The following UST variants were observed in gnomAD, a reference collection of about 807,000 sequenced individuals.
UST encodes chondroitin sulfate 2-O-sulfotransferase.
UST carries 21 observed loss-of-function variants against 45.6 expected under a neutral mutation model. That is an observed-to-expected ratio of 0.46 (90% CI 0.33 to 0.66). UST has a LOEUF of 0.66. Ranked by LOEUF, UST falls within the 30% of genes least tolerant of loss-of-function variation. The pLI, the probability that UST is intolerant of heterozygous loss-of-function variation, is 0.02. For synonymous variants in UST, 215 were observed against 200.6 expected (o/e 1.07, Z -0.61); for missense variants, 463 against 512.4 (o/e 0.90, Z 0.93).
chr6:148,873,898 C>T (rs1185787583), intron 1 of UST, among the ~76,000 whole-genome samples: 2 of 152,264 alleles, frequency 1.3e-5, no homozygotes, highest in Non-Finnish European at 2.9e-5. Flanking sequence ...TCTTAGTCAT[C>T]TTCACCTTAC....
At chr6:148,970,651 A>C (rs1780897164) in intron 5 of UST, among the ~76,000 whole-genome samples, 1 of 152,158 alleles carries the variant, frequency 6.6e-6, no homozygotes, top group Admixed American at 6.5e-5. Context: ...AAGCACATGA[A>C]CCACAGCACA....
At position 148,754,248 on chromosome 6, in the gene UST, G is replaced by A. The variant is rs191729979; in HGVS notation, c.247+6571G>A. On this transcript the variant is annotated intron_variant, in intron 1 of 7. Transcript: ENST00000367463. ...CCTGACCTCGTGATTCGCCCGCCTC[G>A]GCCTCCCAAAGTGCTGGGATTACAG... is the stretch of plus-strand genomic sequence containing the variant. Among the ~76,000 whole-genome samples the A allele has an allele frequency of 2.9e-3, 441 of 152,090 alleles. 5 individuals carry two copies. Among genetic ancestry groups the A allele is most frequent in the Admixed American group, 4.3e-3 (65 of 15,278 alleles).
chr6:149,014,138 T>C (rs1304281720), intron 5 of UST, among the ~76,000 whole-genome samples: 1 of 152,070 alleles, frequency 6.6e-6, no homozygotes, highest in Non-Finnish European at 1.5e-5. Context: ...GCTGTGAAAA[T>C]TCGCTGACAG....
chr6:148,794,094 A>G lies in UST; in HGVS notation c.247+46417A>G, dbSNP rs189743692. Among the ~76,000 whole-genome samples the G allele has an allele frequency of 7.4e-4, 112 of 152,318 alleles. 1 individual carries two copies. Among genetic ancestry groups the G allele is most frequent in the Admixed American group, 3.9e-3 (59 of 15,298 alleles). On this transcript the variant is annotated intron_variant, in intron 1 of 7. Coordinates refer to ENST00000367463, the MANE Select transcript of UST (RefSeq NM_005715.3). ...TGTACCAACACACACTTACACTTCTATATTTTCCAGTGCTGATCACAAGAT... is the reference window on the plus strand; with the variant it reads ...TGTACCAACACACACTTACACTTCTGTATTTTCCAGTGCTGATCACAAGAT...
intron 1 of UST, among the ~76,000 whole-genome samples, chr6:148,793,453 G>A (rs1046076798): frequency 5.3e-5 from 8 of 152,082 alleles, no homozygotes; most frequent in Non-Finnish European, 7.4e-5. Flanking sequence ...ACCCTCCACC[G>A]CCTCTAACTG....
chr6:148,981,145 A>G (rs531769439), intron 5 of UST, among the ~76,000 whole-genome samples: 11 of 152,288 alleles, frequency 7.2e-5, no homozygotes, highest in African/African-American at 2.2e-4. Context: ...CCAGTTGCCC[A>G]TGTGCTTTAC....
At chr6:148,791,192 C>T (rs34655928) in intron 1 of UST, among the ~76,000 whole-genome samples, 17,337 of 152,172 alleles carry the variant, frequency 0.11, 1,089 homozygotes, top group Non-Finnish European at 0.13. Context: ...TAGAGGCCAG[C>T]GTTGTTGCTA....
At chr6:148,921,461 G>C (rs980214280) in intron 2 of UST, among the ~76,000 whole-genome samples, 1 of 152,194 alleles carries the variant, frequency 6.6e-6, no homozygotes, top group African/African-American at 2.4e-5. Context: ...TTTGTTGGGT[G>C]GTTGTGAAAA....
At position 149,028,128 on chromosome 6, in the gene UST, T is replaced by C. The variant is rs531931471; in HGVS notation, c.937+6647T>C. ...GAAAGTGCTGGGATTACTGGCGTGA[T>C]CCACCGCGCCCGGCCTAGTATGTCA... On this transcript the variant is annotated intron_variant, in intron 7 of 7. Coordinates refer to ENST00000367463, the MANE Select transcript of UST (RefSeq NM_005715.3). 3.8e-4 allele frequency among the ~76,000 whole-genome samples: 58 copies of C among 152,140 alleles called. 1 individual carries two copies. The East Asian group carries it at 4.1e-3, about 11-fold the overall frequency.
chr6:148,874,192 A>G (rs1434534038), intron 1 of UST, among the ~76,000 whole-genome samples: 1 of 152,282 alleles, frequency 6.6e-6, no homozygotes. Flanking sequence ...ATAAGATCAT[A>G]TAACATTATG....
At chr6:148,993,971 T>C (rs1781402044) in intron 5 of UST, among the ~76,000 whole-genome samples, 1 of 136,738 alleles carries the variant, frequency 7.3e-6, no homozygotes, top group South Asian at 2.5e-4. Flanking sequence ...TTTTTTTTTT[T>C]TTTTTTTTTT....
At chr6:148,950,840 A>C (rs1490116589) in intron 3 of UST, among the ~76,000 whole-genome samples, 21 of 152,156 alleles carry the variant, frequency 1.4e-4, no homozygotes, top group Non-Finnish European at 1.0e-4. Flanking sequence ...CCTCACCCAC[A>C]AGACTCTGAC....
intron 1 of UST, among the ~76,000 whole-genome samples, chr6:148,770,251 G>A (rs763230499): frequency 2.0e-5 from 3 of 151,642 alleles, no homozygotes; most frequent in Non-Finnish European, 4.4e-5. Flanking sequence ...GAGAGAAGGA[G>A]AGGGATTCAG....
intron 2 of UST, among the ~76,000 whole-genome samples, chr6:148,929,020 T>A (rs1779872697): frequency 6.6e-6 from 1 of 152,230 alleles, no homozygotes; most frequent in Non-Finnish European, 1.5e-5. Flanking sequence ...CAGCCATGGA[T>A]CCTTCGCACA....
chr6:149,041,037 A>T (rs1420199670), intron 7 of UST, among the ~76,000 whole-genome samples: 1 of 152,244 alleles, frequency 6.6e-6, no homozygotes, highest in Non-Finnish European at 1.5e-5. Context: ...TTTTAAATAA[A>T]ACCTAAAGAA....
chr6:149,044,483 C>T (rs938003453), intron 7 of UST, among the ~76,000 whole-genome samples: 1 of 152,200 alleles, frequency 6.6e-6, no homozygotes, highest in African/African-American at 2.4e-5. Context: ...ACAACTGGAT[C>T]TGTACTGCTG....
chr6:148,774,786 A>G (rs1032851057), intron 1 of UST, among the ~76,000 whole-genome samples: 12 of 152,234 alleles, frequency 7.9e-5, no homozygotes, highest in African/African-American at 2.7e-4. Context: ...CGGGAGGCCA[A>G]GGTGGGCGGA....
At position 148,808,678 on chromosome 6, in the gene UST, C is replaced by G. The variant is rs978225482; in HGVS notation, c.247+61001C>G. On this transcript the variant is annotated intron_variant, in intron 1 of 7. Transcript: ENST00000367463. ...TACCACCTGTTATGGACTGAATGTT[C>G]TAGTGTCTCCCCAAATTCATATGTT... Among the ~76,000 whole-genome samples the G allele has an allele frequency of 5.9e-5, 9 of 152,182 alleles. No homozygotes were observed. In the Middle Eastern group the frequency reaches 0.014, roughly 230 times the overall value.
chr6:148,963,355 G>A (rs1780708892), intron 4 of UST, among the ~76,000 whole-genome samples: 1 of 152,204 alleles, frequency 6.6e-6, no homozygotes, highest in Non-Finnish European at 1.5e-5. Context: ...GGTCACCAGA[G>A]CATGCCCTCT....
Sources: gnomAD v4.1 joint callset for allele counts (sites outside exome capture counted in the v4.1 genomes callset) on GRCh38, gnomAD v4.1.1 for gene constraint, MANE v1.5 for transcripts, NCBI Gene and HGNC (gene_info 2026-07-23, HGNC 2026-07-21) for gene names.